KIF24: variants seen among roughly 807,000 people sequenced by gnomAD.
KIF24 encodes kinesin family member 24, also known as kinesin-like protein KIF24.
KIF24 carries 81 observed loss-of-function variants against 118.9 expected under a neutral mutation model. The observed-to-expected ratio is 0.68, with a 90% CI of 0.57 to 0.82. The LOEUF is 0.82. KIF24 is among the 40% of genes least tolerant of loss of function. The pLI is 0.00. For synonymous variants in KIF24, 599 were observed against 610.0 expected (o/e 0.98, Z 0.27); for missense variants, 1,560 against 1,661.6 (o/e 0.94, Z 1.06).
At chr9:34,301,994 TTTC>T (rs1218838096) in intron 3 of KIF24, among the ~76,000 whole-genome samples, 3 of 123,022 alleles carry the variant, frequency 2.4e-5, no homozygotes, top group African/African-American at 7.6e-5. Context: ...TGTATTTTTT[TTTC>T]TTTTTTTTTT....
intron 9 of KIF24, among the ~76,000 whole-genome samples, chr9:34,259,966 T>C (rs1834995672): frequency 6.6e-6 from 1 of 152,210 alleles, no homozygotes; most frequent in African/African-American, 2.4e-5. Flanking sequence ...ATGCCATTCC[T>C]TGGTGAGGGT....
intron 10 of KIF24, among the ~76,000 whole-genome samples, chr9:34,259,082 C>A (rs942302048): frequency 3.9e-5 from 6 of 152,198 alleles, no homozygotes; most frequent in Non-Finnish European, 8.8e-5. Context: ...TCAAGAGTTG[C>A]TGGCTCTGAC....
chr9:34,312,199 G>A (rs947429691), intron 1 of KIF24, among the ~76,000 whole-genome samples: 5 of 152,088 alleles, frequency 3.3e-5, no homozygotes, highest in Non-Finnish European at 7.4e-5. Context: ...TCCAAAAGGT[G>A]GTCATCGATC....
chr9:34,332,089 C>G (rs546351919), upstream of KIF24, among the ~76,000 whole-genome samples: 1 of 152,314 alleles, frequency 6.6e-6, no homozygotes, highest in South Asian at 2.1e-4. Context: ...TAATTCGTTC[C>G]CCAGCTTGCT....
intron 11 of KIF24, among the ~76,000 whole-genome samples, 154 bp from the exon 12 acceptor site, chr9:34,255,319 C>T (rs772462087): frequency 6.6e-6 from 1 of 152,174 alleles, no homozygotes; most frequent in Non-Finnish European, 1.5e-5. Flanking sequence ...AGCTCCCCCT[C>T]ACCTGCTCTT....
At chr9:34,330,697 C>T (rs1393434175), upstream of KIF24, among the ~76,000 whole-genome samples, 6 of 152,034 alleles carry the variant, frequency 3.9e-5, no homozygotes, top group Non-Finnish European at 8.8e-5. Context: ...CGCGGTGGCT[C>T]ACGCCTGTAA....
intron 2 of KIF24, among the ~76,000 whole-genome samples, chr9:34,307,852 C>CTCTCTGTTTTTTTTTTTTTTT (rs1491263584): frequency 8.7e-6 from 1 of 115,420 alleles, no homozygotes; most frequent in African/African-American, 3.1e-5. Context: ...CAGAGCAAGA[C>CTCTCTGTTTTTTTTTTTTTTT]TCTGTCTGAA....
At chr9:34,258,113 G>C in intron 10 of KIF24, 132 bp from the exon 11 acceptor site, 3 of 701,122 alleles carry the variant, frequency 4.3e-6, no homozygotes, top group Non-Finnish European at 7.3e-6. Flanking sequence ...ATCTGGGATA[G>C]AATAAGAGGA....
At position 34,257,072 on chromosome 9, in the gene KIF24, C is replaced by T; in HGVS notation, c.2535G>A (p.Arg845=). The change falls in exon 11 of 13, where the codon AGG becomes AGA. Residue 845 remains arginine, a synonymous_variant. Coordinates refer to ENST00000402558, the MANE Select transcript of KIF24 (RefSeq NM_194313.4). The part of the protein sequence containing the change: ...HISSQRATKQ[R]NTLENSEDSF... ...AGTCTTCGCTATTCTCCAGGGTGTT[C>T]CTTTGCTTTGTGGCCCTCTGACTAG... is the stretch of plus-strand genomic sequence containing the variant. The T allele has an allele frequency of 6.2e-7, 1 of 1,613,974 alleles. No homozygotes were observed. Among genetic ancestry groups the T allele is most frequent in the Non-Finnish European group, 8.5e-7 (1 of 1,179,880 alleles).
intron 4 of KIF24, among the ~76,000 whole-genome samples, chr9:34,295,872 C>T (rs1013454223): frequency 1.1e-4 from 16 of 151,868 alleles, no homozygotes; most frequent in Non-Finnish European, 2.1e-4. Context: ...GCAACAGAGG[C>T]CCTTACTATC....
chr9:34,300,200 G>T (rs985413237), intron 3 of KIF24, among the ~76,000 whole-genome samples: 2 of 151,854 alleles, frequency 1.3e-5, no homozygotes, highest in Non-Finnish European at 2.9e-5. Context: ...TGAATCTGAA[G>T]AATAATAGAT....
intron 1 of KIF24, among the ~76,000 whole-genome samples, chr9:34,313,747 TTTTTG>T (rs1305071074): frequency 5.3e-5 from 8 of 150,418 alleles, no homozygotes; most frequent in African/African-American, 2.0e-4. Context: ...TGTTTTTTTT[TTTTTG>T]TTTTTTTTTT....
At chr9:34,306,569 G>A (rs557515709) in intron 2 of KIF24, 128 bp from the exon 3 acceptor site, 17 of 596,896 alleles carry the variant, frequency 2.8e-5, no homozygotes, top group African/African-American at 1.1e-4. Flanking sequence ...TTGAGAGGCC[G>A]AGGTGGGCGG....
At chr9:34,284,375 A>G (rs1835960574) in intron 6 of KIF24, among the ~76,000 whole-genome samples, 1 of 152,212 alleles carries the variant, frequency 6.6e-6, no homozygotes, top group South Asian at 2.1e-4. Flanking sequence ...CTGTACAGAA[A>G]TACATGTATA....
chr9:34,310,085 G>A (rs950546), intron 2 of KIF24, among the ~76,000 whole-genome samples: 35,014 of 151,360 alleles, frequency 0.23, 4,769 homozygotes, highest in East Asian at 0.62. Flanking sequence ...CTAACTCGAA[G>A]CACTAGGTGA....
chr9:34,255,412 C>T (rs1384427136), intron 11 of KIF24, among the ~76,000 whole-genome samples: 2 of 152,074 alleles, frequency 1.3e-5, no homozygotes, highest in Non-Finnish European at 2.9e-5. Flanking sequence ...CTCCTGCCTC[C>T]CCAGCTGTAC....
At chr9:34,260,370 C>A (rs900220340) in intron 9 of KIF24, among the ~76,000 whole-genome samples, 3 of 151,822 alleles carry the variant, frequency 2.0e-5, no homozygotes, top group Admixed American at 2.0e-4. Flanking sequence ...AATAATTATA[C>A]ACTGAATATA....
intron 5 of KIF24, among the ~76,000 whole-genome samples, chr9:34,289,286 A>G (rs1563949435): frequency 6.6e-6 from 1 of 152,180 alleles, no homozygotes; most frequent in Non-Finnish European, 1.5e-5. Context: ...TCCCTATTGA[A>G]CTGGAACTGC....
chr9:34,318,159 T>C lies in KIF24; in HGVS notation c.-25-6788A>G, dbSNP rs950364840. On this transcript the variant is annotated intron_variant, in intron 1 of 12. Transcript: ENST00000402558. The surrounding 1 kb of genome is among the most constrained non-coding windows in gnomAD (Gnocchi z 4.9). Reference sequence around the variant, plus strand: ...TGGTTTAACAAGATAAATACATGAATAATGCAGCCTGGGCAACATAGTGAG... The same window carrying C: ...TGGTTTAACAAGATAAATACATGAACAATGCAGCCTGGGCAACATAGTGAG... 1.3e-5 allele frequency among the ~76,000 whole-genome samples: 2 copies of C among 151,626 alleles called. No individual in the cohort carries two copies. The highest frequency in any genetic ancestry group is 2.9e-5 in the Non-Finnish European group (2 of 67,934).
Sources: allele counts gnomAD v4.1 joint callset (sites outside exome capture counted in the v4.1 genomes callset), GRCh38; gene constraint gnomAD v4.1.1; non-coding constraint Gnocchi (gnomAD v3.1); transcripts MANE v1.5; gene names NCBI Gene and HGNC (gene_info 2026-07-23, HGNC 2026-07-21).